The following RABGAP1L variants were observed in gnomAD, a reference collection of about 807,000 sequenced individuals.
The protein encoded by RABGAP1L is RAB GTPase activating protein 1 like.
Under a neutral mutation model 137.7 loss-of-function variants are expected in RABGAP1L, and 63 were observed. That is an observed-to-expected ratio of 0.46 (90% CI 0.37 to 0.56). The LOEUF (loss-of-function observed/expected upper bound fraction) is 0.56, where lower values mean the gene tolerates loss of function less well. Among genes scored for constraint, RABGAP1L ranks in the 20% least tolerant of loss-of-function variants. RABGAP1L has a pLI of 0.00. For synonymous variants in RABGAP1L, 431 were observed against 433.7 expected, an observed-to-expected ratio of 0.99 and a Z score of 0.08; for missense variants, 1,095 against 1,244.0, an observed-to-expected ratio of 0.88 and a Z score of 1.80.
At chr1:174,707,806 A>G (rs1680167848) in intron 17 of RABGAP1L, among the ~76,000 whole-genome samples, 1 of 152,216 alleles carries the variant, frequency 6.6e-6, no homozygotes. Flanking sequence ...AGTGGTTGAG[A>G]TGCTTCTTTG....
intron 18 of RABGAP1L, among the ~76,000 whole-genome samples, chr1:174,807,308 G>A (rs1409592119): frequency 6.6e-6 from 1 of 152,080 alleles, no homozygotes; most frequent in Admixed American, 6.6e-5. Flanking sequence ...ACCCCACCAT[G>A]TAGACAATAC....
At chr1:174,424,892 G>C (rs1460185699) in intron 13 of RABGAP1L, among the ~76,000 whole-genome samples, 2 of 151,874 alleles carry the variant, frequency 1.3e-5, no homozygotes, top group African/African-American at 4.8e-5. Flanking sequence ...CAAATTTTTT[G>C]TGGAATTAAA....
rs1670434416 is a variant in RABGAP1L at position 174,974,129 on chromosome 1, CAGG to C, written c.2545-1948_2545-1946del. 2.6e-5 allele frequency among the ~76,000 whole-genome samples: 4 copies of C among 152,194 alleles called. 1 individual carries two copies. Among genetic ancestry groups the C allele is most frequent in the East Asian group, 3.9e-4 (2 of 5,178 alleles). ...TCAGCCTCCTGAGTAGCTGGGACTA[CAGG>C]CACCTGCCACCATGCCCGGCTAATT... On this transcript the variant is annotated intron_variant, in intron 21 of 25. Transcript: ENST00000681986.
chr1:174,480,301 G>A (rs1206389339), intron 13 of RABGAP1L, among the ~76,000 whole-genome samples: 4 of 152,178 alleles, frequency 2.6e-5, no homozygotes, highest in African/African-American at 9.6e-5. Context: ...ACTGTTTAAT[G>A]TCAGCCAAAG....
At chr1:174,579,097 T>C (rs557426433) in intron 13 of RABGAP1L, among the ~76,000 whole-genome samples, 6 of 152,276 alleles carry the variant, frequency 3.9e-5, no homozygotes, top group Non-Finnish European at 7.4e-5. Context: ...TAGCAAACAT[T>C]ATGCCTTCTA....
intron 13 of RABGAP1L, among the ~76,000 whole-genome samples, chr1:174,598,915 T>C (rs1670201589): frequency 6.6e-6 from 1 of 152,306 alleles, no homozygotes; most frequent in East Asian, 1.9e-4. Context: ...AATATTGTTA[T>C]TGATAAACTA....
Position 174,731,874 on chromosome 1 carries a change from A to G in RABGAP1L, c.2170-20439A>G, listed in dbSNP as rs369658299. 8.5e-5 allele frequency among the ~76,000 whole-genome samples: 13 copies of G among 152,322 alleles called. No homozygotes were observed. In the East Asian group the frequency reaches 1.4e-3, roughly 16 times the overall value. ...TCTGTTCTTATTTTAAAATCAGAAA[A>G]AACAAGGGACTATGTTTCTACTATA... On this transcript the variant is annotated intron_variant, in intron 17 of 25. Coordinates refer to ENST00000681986, the MANE Select transcript of RABGAP1L (RefSeq NM_001366446.1).
chr1:174,975,730 A>G (rs973310730), intron 21 of RABGAP1L, among the ~76,000 whole-genome samples: 1 of 152,214 alleles, frequency 6.6e-6, no homozygotes, highest in African/African-American at 2.4e-5. Context: ...AATCTGTAAG[A>G]AGCATTTAGA....
chr1:174,202,038 C>T (rs1227128255), intron 1 of RABGAP1L, among the ~76,000 whole-genome samples: 10 of 151,868 alleles, frequency 6.6e-5, no homozygotes, highest in African/African-American at 1.7e-4. Context: ...ATTTTCTTAA[C>T]CCAGTCTATC....
intron 17 of RABGAP1L, among the ~76,000 whole-genome samples, chr1:174,715,229 C>T (rs567239583): frequency 6.6e-6 from 1 of 152,226 alleles, no homozygotes; most frequent in East Asian, 1.9e-4. Context: ...GGGAAAGCAT[C>T]TTCTAAGTAA....
chr1:174,619,183 C>T (rs994235740), intron 13 of RABGAP1L, among the ~76,000 whole-genome samples: 8 of 152,110 alleles, frequency 5.3e-5, no homozygotes, highest in South Asian at 4.1e-4. Flanking sequence ...CTGAAAGCGA[C>T]GGGGAGAATG....
intron 18 of RABGAP1L, among the ~76,000 whole-genome samples, chr1:174,765,722 T>C (rs1754359): frequency 4.6e-5 from 7 of 152,174 alleles, no homozygotes; most frequent in Non-Finnish European, 1.0e-4. Context: ...CTAGATAATG[T>C]CCTTTGAAAC....
rs759306328 is a variant in RABGAP1L, at chr1:174,305,044, A to G, written c.1382A>G (p.Gln461Arg). 4.2e-5 allele frequency: 65 copies of G among 1,563,678 alleles called. No homozygotes were observed. The highest frequency in any genetic ancestry group is 5.4e-5 in the Non-Finnish European group (63 of 1,159,672). The change falls in exon 11 of 26, where the codon CAG (glutamine) becomes CGG (arginine). Residue 461 changes from glutamine (Q) to arginine (R), a missense_variant. Transcript: ENST00000681986. Reference protein sequence around the residue: ...GDAIYEVVSLQRESDKEEPVT... With the variant: ...GDAIYEVVSLRRESDKEEPVT... ...GCAATATATGAGGTGGTGAGTCTAC[A>G]GCGAGAGTCTGACAAGGAGGAACCA...
In RABGAP1L at chr1:174,962,206, C is replaced by CG. The variant is rs397961801; in HGVS notation, c.2433+4657_2433+4658insG. Reference sequence around the variant, plus strand: ...TAAAAATAAAAATACACCCCCCCCCCACACACACACACAGCTAGTTAATTA... The same window carrying CG: ...TAAAAATAAAAATACACCCCCCCCCCGACACACACACACAGCTAGTTAATTA... On this transcript the variant is annotated intron_variant, in intron 20 of 25. Transcript: ENST00000681986. Among the ~76,000 whole-genome samples, 4 of 135,432 alleles carry CG rather than the reference C, an allele frequency of 3.0e-5. 1 individual carries two copies. Among genetic ancestry groups the CG allele is most frequent in the Admixed American group, 7.5e-5 (1 of 13,338 alleles). 88.8% of individuals were successfully genotyped at this position (135,432 alleles called of 152,430 possible).
intron 13 of RABGAP1L, among the ~76,000 whole-genome samples, chr1:174,428,444 TTC>T (rs141867272): frequency 1.3e-5 from 2 of 152,338 alleles, no homozygotes; most frequent in African/African-American, 4.8e-5. Context: ...ATTAACTTTA[TTC>T]TCTCTAACCC....
chr1:174,697,539 G>C (rs1051110708), intron 15 of RABGAP1L, among the ~76,000 whole-genome samples: 1 of 152,042 alleles, frequency 6.6e-6, no homozygotes, highest in Non-Finnish European at 1.5e-5. Flanking sequence ...GGCTAGTCTC[G>C]AACTCCTGAC....
At chr1:174,244,021 CAGA>C (rs1672047960) in intron 5 of RABGAP1L, among the ~76,000 whole-genome samples, 2 of 152,334 alleles carry the variant, frequency 1.3e-5, no homozygotes, top group East Asian at 3.9e-4. Flanking sequence ...GGCCCTTTTG[CAGA>C]AGATGTCCAA....
At chr1:174,924,840 C>T (rs1289817845) in intron 19 of RABGAP1L, among the ~76,000 whole-genome samples, 9 of 151,772 alleles carry the variant, frequency 5.9e-5, no homozygotes, top group Admixed American at 5.9e-4. Context: ...TAGAGACAGG[C>T]AATAAACACA....
At chr1:174,863,233 C>CAAAAAAAAAAAAAAA (rs71117585) in intron 19 of RABGAP1L, among the ~76,000 whole-genome samples, 7 of 82,602 alleles carry the variant, frequency 8.5e-5, no homozygotes, top group African/African-American at 1.9e-4. Flanking sequence ...TTGTTTGTAG[C>CAAAAAAAAAAAAAAA]AAAAAAAAAA....
Sources: gnomAD v4.1 joint callset for allele counts (sites outside exome capture counted in the v4.1 genomes callset) on GRCh38, gnomAD v4.1.1 for gene constraint, MANE v1.5 for transcripts, NCBI Gene and HGNC (gene_info 2026-07-23, HGNC 2026-07-21) for gene names.